Variants in SDAD1 observed in about 807,000 individuals in gnomAD.
The protein encoded by SDAD1 is SDA1 domain containing 1.
SDAD1 carries 79 observed loss-of-function variants against 100.3 expected under a neutral mutation model. The observed-to-expected ratio is 0.79, with a 90% CI of 0.66 to 0.95. SDAD1 has a LOEUF of 0.95. Ranked by LOEUF, SDAD1 falls within the 40% of genes least tolerant of loss-of-function variation. The pLI is 0.00. For missense variants in SDAD1, 790 were observed against 810.9 expected (o/e 0.97, Z 0.31); for synonymous variants, 267 against 271.4 (o/e 0.98, Z 0.16).
chr4:75,972,845 C>A (rs187751643), intron 8 of SDAD1, among the ~76,000 whole-genome samples: 5,154 of 151,722 alleles, frequency 0.034, 126 homozygotes, highest in Non-Finnish European at 0.054. Context: ...CACGGTGAAA[C>A]CCCATCTCTA....
intron 21 of SDAD1, among the ~76,000 whole-genome samples, chr4:75,954,069 T>C (rs1560533581): frequency 6.6e-6 from 1 of 152,192 alleles, no homozygotes; most frequent in African/African-American, 2.4e-5. Flanking sequence ...CACAAAATTA[T>C]TGGGTTTTGA....
At chr4:75,973,244 T>C in intron 8 of SDAD1, 73 bp downstream of exon 8, 1 of 1,217,970 alleles carries the variant, frequency 8.2e-7, no homozygotes, top group South Asian at 1.2e-5. Flanking sequence ...ACTTCAGCAG[T>C]CATAGACTTT....
chr4:75,980,206 C>A (rs1010147865), intron 3 of SDAD1, among the ~76,000 whole-genome samples: 1 of 152,216 alleles, frequency 6.6e-6, no homozygotes, highest in African/African-American at 2.4e-5. Context: ...TTGGGCTATA[C>A]TGCCAGGTCC....
At chr4:75,985,211 T>C (rs1378276240) in intron 1 of SDAD1, among the ~76,000 whole-genome samples, 2 of 152,088 alleles carry the variant, frequency 1.3e-5, no homozygotes, top group Non-Finnish European at 2.9e-5. Context: ...GAGCCCAGTA[T>C]TCCCTGGCCA....
intron 21 of SDAD1, among the ~76,000 whole-genome samples, chr4:75,951,790 T>A (rs1327989960): frequency 6.6e-6 from 1 of 152,210 alleles, no homozygotes; most frequent in Admixed American, 6.5e-5. Flanking sequence ...AAATTAAAGT[T>A]AACCAAGACC....
In SDAD1 at chr4:75,969,286, T is replaced by C. The variant is rs772328891; in HGVS notation, c.987+10A>G. On this transcript the variant is annotated intron_variant, in intron 11 of 21. Coordinates refer to ENST00000356260, the MANE Select transcript of SDAD1 (RefSeq NM_018115.4). ...AATATTCACCAAGAGAAACATAATA[T>C]AATTCAAACCTCATGAATTCCCACC... The C allele has an allele frequency of 5.0e-6, 8 of 1,590,550 alleles. 1 individual carries two copies.
intron 14 of SDAD1, among the ~76,000 whole-genome samples, chr4:75,961,938 G>A (rs112057294): frequency 3.7e-4 from 56 of 152,282 alleles, no homozygotes; most frequent in African/African-American, 1.3e-3. Context: ...TAGGGTACAT[G>A]TGCACAACGT....
chr4:75,978,845 G>T (rs866665691), intron 3 of SDAD1, among the ~76,000 whole-genome samples: 27 of 151,430 alleles, frequency 1.8e-4, no homozygotes, highest in Middle Eastern at 6.8e-3. Flanking sequence ...GGGTGTGGTG[G>T]CACACACCTT....
chr4:75,981,561 A>C, intron 2 of SDAD1, 91 bp from the exon 3 acceptor site: 1 of 1,578,452 alleles, frequency 6.3e-7, no homozygotes, highest in Non-Finnish European at 8.6e-7. Flanking sequence ...AAACGAGAGT[A>C]AAAGGCTATG....
chr4:75,961,275 A>T lies in SDAD1; in HGVS notation c.1215T>A (p.Cys405Ter). ...INAIKEITAR[C>*]PLAMTEELLQ... Reference sequence around the variant, plus strand: ...GAAGTTCTTCAGTCATGGCCAGAGGACATCGAGCTGTTATCTCCTTTATAG... The same window carrying T: ...GAAGTTCTTCAGTCATGGCCAGAGGTCATCGAGCTGTTATCTCCTTTATAG... The change falls in exon 15 of 22, where the codon TGT becomes TGA. Residue 405 changes from cysteine (C) to a stop codon, truncating the protein, a stop_gained. Transcript: ENST00000356260. LOFTEE classifies it high-confidence loss of function. 6.2e-7 allele frequency: 1 copy of T among 1,614,082 alleles called. No homozygotes were observed. The highest frequency in any genetic ancestry group is 8.5e-7 in the Non-Finnish European group (1 of 1,179,952).
intron 1 of SDAD1, among the ~76,000 whole-genome samples, chr4:75,985,578 T>C (rs1254674023): frequency 6.6e-6 from 1 of 152,184 alleles, no homozygotes; most frequent in Non-Finnish European, 1.5e-5. Context: ...AGCTCTTTGC[T>C]CACTGTCTTC....
intron 14 of SDAD1, among the ~76,000 whole-genome samples, chr4:75,962,600 A>G (rs990286232): frequency 6.6e-6 from 1 of 152,182 alleles, no homozygotes; most frequent in Non-Finnish European, 1.5e-5. Context: ...TCTAACTGGT[A>G]TGAGATGGTA....
At chr4:75,988,308 T>C (rs556107318) in intron 1 of SDAD1, among the ~76,000 whole-genome samples, 91 of 152,300 alleles carry the variant, frequency 6.0e-4, no homozygotes, top group African/African-American at 2.1e-3. Context: ...CCTCATTCCC[T>C]ATTTGGAGCC....
chr4:75,977,421 G>A (rs537273035), intron 4 of SDAD1, among the ~76,000 whole-genome samples: 2 of 152,188 alleles, frequency 1.3e-5, no homozygotes, highest in African/African-American at 4.8e-5. Context: ...TCTCTCATAG[G>A]GCTTTGTGAG....
intron 1 of SDAD1, among the ~76,000 whole-genome samples, chr4:75,982,780 ACCC>A (rs112914125): frequency 6.7e-6 from 1 of 149,266 alleles, no homozygotes; most frequent in East Asian, 2.0e-4. Context: ...TCAAAATCCC[ACCC>A]CCCCACTGCC....
chr4:75,968,431 C>T (rs1438271792), intron 11 of SDAD1, among the ~76,000 whole-genome samples: 1 of 152,038 alleles, frequency 6.6e-6, no homozygotes, highest in Non-Finnish European at 1.5e-5. Context: ...CAGCACCAGT[C>T]ACGAGATCAA....
intron 1 of SDAD1, among the ~76,000 whole-genome samples, chr4:75,986,662 G>A (rs573408520): frequency 4.6e-5 from 7 of 152,096 alleles, no homozygotes; most frequent in Non-Finnish European, 1.0e-4. Context: ...AACAGGTTCT[G>A]CCCCATCAGT....
chr4:75,970,995 C>T (rs191211411), intron 9 of SDAD1, among the ~76,000 whole-genome samples: 1 of 152,232 alleles, frequency 6.6e-6, no homozygotes, highest in East Asian at 1.9e-4. Flanking sequence ...CAAACTAATA[C>T]AATTAATAAA....
At chr4:75,958,573 G>A (rs187889127) in intron 17 of SDAD1, among the ~76,000 whole-genome samples, 5 of 152,234 alleles carry the variant, frequency 3.3e-5, no homozygotes, top group East Asian at 1.9e-4. Flanking sequence ...TTAAGAGAAC[G>A]TGCCAGCTCT....
Sources: gnomAD v4.1 joint callset for allele counts (sites outside exome capture counted in the v4.1 genomes callset) on GRCh38, gnomAD v4.1.1 for gene constraint, MANE v1.5 for transcripts, NCBI Gene and HGNC (gene_info 2026-07-23, HGNC 2026-07-21) for gene names.